The following SLC24A3 variants were observed in gnomAD, a reference collection of about 807,000 sequenced individuals.
The protein encoded by SLC24A3 is solute carrier family 24 member 3.
Under a neutral mutation model 75.8 loss-of-function variants are expected in SLC24A3, and 28 were observed. That is an observed-to-expected ratio of 0.37 (90% CI 0.27 to 0.51). The LOEUF is 0.51. SLC24A3 is among the 20% of genes least tolerant of loss of function. The pLI is 0.94. For synonymous variants in SLC24A3, 372 were observed against 334.1 expected (o/e 1.11, Z -1.24); for missense variants, 663 against 847.8 (o/e 0.78, Z 2.71).
intron 2 of SLC24A3, among the ~76,000 whole-genome samples, chr20:19,387,084 T>A (rs959649245): frequency 6.6e-6 from 1 of 152,186 alleles, no homozygotes; most frequent in Non-Finnish European, 1.5e-5. Flanking sequence ...AGATTGTATG[T>A]TTCTAGGAAT....
At chr20:19,527,629 C>T (rs2030222238) in intron 3 of SLC24A3, among the ~76,000 whole-genome samples, 1 of 152,182 alleles carries the variant, frequency 6.6e-6, no homozygotes, top group Admixed American at 6.5e-5. Context: ...GTGGCATGCC[C>T]TGTCTCTCTA....
chr20:19,249,384 A>G (rs1183440570), intron 1 of SLC24A3, among the ~76,000 whole-genome samples: 3 of 152,196 alleles, frequency 2.0e-5, no homozygotes, highest in Admixed American at 6.5e-5. Context: ...TCTTTAAGAC[A>G]TCATCCTTTT....
At chr20:19,605,108 C>T (rs1364805260) in intron 6 of SLC24A3, among the ~76,000 whole-genome samples, 1 of 152,138 alleles carries the variant, frequency 6.6e-6, no homozygotes, top group East Asian at 1.9e-4. Context: ...GGAAAAAAAA[C>T]ACGTTGGCCT....
intron 2 of SLC24A3, among the ~76,000 whole-genome samples, chr20:19,328,129 G>A (rs1172363270): frequency 6.6e-6 from 1 of 152,100 alleles, no homozygotes; most frequent in Non-Finnish European, 1.5e-5. Context: ...AGAGCATCCA[G>A]GCAGAGGGGC....
chr20:19,537,529 A>G (rs1177270135), intron 3 of SLC24A3, among the ~76,000 whole-genome samples: 2 of 152,230 alleles, frequency 1.3e-5, no homozygotes, highest in South Asian at 2.1e-4. Context: ...ATTACTGGGC[A>G]TATACCCAAA....
At chr20:19,303,982 A>G (rs960585458) in intron 2 of SLC24A3, among the ~76,000 whole-genome samples, 1 of 152,176 alleles carries the variant, frequency 6.6e-6, no homozygotes, top group Non-Finnish European at 1.5e-5. Flanking sequence ...CCAGGAGGCC[A>G]TGGGTGACCT....
In SLC24A3 at chr20:19,212,907, T is replaced by C; in HGVS notation, c.65T>C (p.Leu22Pro). 1.5e-6 allele frequency: 2 copies of C among 1,343,704 alleles called. No individual in the cohort carries two copies. Among genetic ancestry groups the C allele is most frequent in the Admixed American group, 2.6e-5 (1 of 37,832 alleles). The allele number at this position is 1,343,704 out of a possible 1,614,324, so 83.2% of individuals were successfully genotyped here. A position where few individuals can be genotyped will look rare whatever the true frequency, so the allele number is the denominator to read the frequency against. Reference protein sequence around the residue: ...RRRRRRRRRDLLLSQLCFLAS... With the variant: ...RRRRRRRRRDPLLSQLCFLAS... ...CGCCGCCGCCGCCGCCGGAGGGACCTTCTGCTGAGCCAGCTCTGCTTCCTG... is the reference window on the plus strand; with the variant it reads ...CGCCGCCGCCGCCGCCGGAGGGACCCTCTGCTGAGCCAGCTCTGCTTCCTG... Residue 22 changes from leucine (L) to proline (P), a missense_variant, in exon 1 of 17, where the codon CTT (leucine) becomes CCT (proline). Leu to Pro is a moderately conservative substitution (Grantham distance 98, BLOSUM62 -3). Around this residue, in one of 2 missense-constraint regions of SLC24A3, gnomAD observed 153 missense variants for 144.2 expected, o/e 1.06. Coordinates refer to ENST00000328041, the MANE Select transcript of SLC24A3 (RefSeq NM_020689.4).
At chr20:19,534,734 C>T (rs1453981991) in intron 3 of SLC24A3, among the ~76,000 whole-genome samples, 1 of 152,182 alleles carries the variant, frequency 6.6e-6, no homozygotes, top group Non-Finnish European at 1.5e-5. Flanking sequence ...ATTCCTACAT[C>T]TATGTGTAGA....
intron 3 of SLC24A3, among the ~76,000 whole-genome samples, chr20:19,543,730 T>C (rs2030540780): frequency 6.6e-6 from 1 of 152,180 alleles, no homozygotes; most frequent in Admixed American, 6.5e-5. Context: ...ACCCCCAGTA[T>C]ATACTGGTTG....
intron 1 of SLC24A3, among the ~76,000 whole-genome samples, chr20:19,271,022 T>A (rs1403933745): frequency 2.6e-4 from 40 of 152,112 alleles, no homozygotes; most frequent in Admixed American, 2.6e-3. Context: ...GGGGCTGAGC[T>A]TGGGCCCTTG....
intron 6 of SLC24A3, among the ~76,000 whole-genome samples, chr20:19,592,652 T>A (rs541117320): frequency 6.6e-5 from 10 of 152,242 alleles, no homozygotes; most frequent in African/African-American, 2.4e-4. Flanking sequence ...TTCCATGTAG[T>A]TTTCACATGC....
intron 2 of SLC24A3, among the ~76,000 whole-genome samples, chr20:19,406,203 T>C (rs1419118300): frequency 0.011 from 1,589 of 151,072 alleles, 34 homozygotes; most frequent in African/African-American, 0.037. Flanking sequence ...TGTGTGTGTG[T>C]GTGTGCGTGC....
intron 2 of SLC24A3, among the ~76,000 whole-genome samples, chr20:19,415,678 A>C (rs1986815618): frequency 1.3e-5 from 2 of 151,922 alleles, no homozygotes; most frequent in Non-Finnish European, 2.9e-5. Flanking sequence ...GTCCCTGGTC[A>C]GGGATTTCGG....
intron 2 of SLC24A3, among the ~76,000 whole-genome samples, chr20:19,497,713 TCA>T (rs758156976): frequency 2.1e-4 from 32 of 152,268 alleles, no homozygotes; most frequent in Middle Eastern, 3.4e-3. Context: ...GAACTGAGCC[TCA>T]GTTTCCCACT....
At position 19,720,907 on chromosome 20, in the gene SLC24A3, C is replaced by T. The variant is rs1274723154; in HGVS notation, c.1786-84C>T. The T allele has an allele frequency of 2.0e-6, 3 of 1,534,852 alleles. No homozygotes were observed. The East Asian group carries it at 6.8e-5, about 35-fold the overall frequency. On this transcript the variant is annotated intron_variant, in intron 16 of 16. Coordinates refer to ENST00000328041, the MANE Select transcript of SLC24A3 (RefSeq NM_020689.4). ...GAGGCCCATAGTCAGCAGCCCTTCCCCGGGTCCCCTGGGTTCCCCTACCAA... is the reference window on the plus strand; with the variant it reads ...GAGGCCCATAGTCAGCAGCCCTTCCTCGGGTCCCCTGGGTTCCCCTACCAA...
chr20:19,576,137 G>A (rs2031131121), intron 3 of SLC24A3, among the ~76,000 whole-genome samples: 2 of 152,084 alleles, frequency 1.3e-5, no homozygotes, highest in African/African-American at 2.4e-5. Context: ...GGAAGTCCAG[G>A]TAATATACCT....
intron 6 of SLC24A3, among the ~76,000 whole-genome samples, chr20:19,633,958 A>G (rs1270566610): frequency 2.0e-5 from 3 of 152,194 alleles, no homozygotes; most frequent in African/African-American, 7.2e-5. Flanking sequence ...CTGTTTGTAA[A>G]GGAAGTTGTC....
Position 19,494,719 on chromosome 20 carries a change from A to G in SLC24A3, c.272-20769A>G, listed in dbSNP as rs139654865. Among the ~76,000 whole-genome samples the G allele has an allele frequency of 3.5e-3, 536 of 152,278 alleles. 6 individuals are homozygous for G. The highest frequency in any genetic ancestry group is 0.032 in the South Asian group (154 of 4,818). On this transcript the variant is annotated intron_variant, in intron 2 of 16. Coordinates refer to ENST00000328041, the MANE Select transcript of SLC24A3 (RefSeq NM_020689.4). ...CAGAAGGAGCTAGACCCACTCATCCAGCTTTGGGCTGCAGTGACTTAGAGG... is the reference window on the plus strand; with the variant it reads ...CAGAAGGAGCTAGACCCACTCATCCGGCTTTGGGCTGCAGTGACTTAGAGG...
At position 19,336,746 on chromosome 20, in the gene SLC24A3, A is replaced by G. The variant is rs368606280; in HGVS notation, c.271+55659A>G. Reference sequence around the variant, plus strand: ...TGGACTCTTATTTTGACTTTTATACAGGGAGAAAACCACTCCTTCCTGTTG... The same window carrying G: ...TGGACTCTTATTTTGACTTTTATACGGGGAGAAAACCACTCCTTCCTGTTG... On this transcript the variant is annotated intron_variant, in intron 2 of 16. Transcript: ENST00000328041. Among the ~76,000 whole-genome samples, 9 of 137,532 alleles carry G rather than the reference A, an allele frequency of 6.5e-5. No individual in the cohort carries two copies. The East Asian group carries it at 1.3e-3, about 20-fold the overall frequency. 90.2% of individuals were successfully genotyped at this position (137,532 alleles called of 152,430 possible).
Sources: gnomAD v4.1 joint callset for allele counts (sites outside exome capture counted in the v4.1 genomes callset) on GRCh38, gnomAD v4.1.1 for gene constraint, gnomAD v4.1.1 regional missense constraint, MANE v1.5 for transcripts, NCBI Gene and HGNC (gene_info 2026-07-23, HGNC 2026-07-21) for gene names.